Variants in CNTNAP2 observed in about 807,000 individuals in gnomAD.
CNTNAP2 encodes the protein contactin associated protein 2, also known as contactin-associated protein-like 2.
A neutral mutation model predicts 155.2 loss-of-function variants in CNTNAP2; 98 were observed. The observed-to-expected ratio is 0.63, with a 90% CI of 0.54 to 0.75. The LOEUF (loss-of-function observed/expected upper bound fraction) is 0.75. Ranked by LOEUF, CNTNAP2 falls within the 30% of genes least tolerant of loss-of-function variation. CNTNAP2 has a pLI of 0.00. For missense variants in CNTNAP2, 1,727 were observed against 1,688.1 expected (o/e 1.02, Z -0.40); for synonymous variants, 651 against 631.2 (o/e 1.03, Z -0.47).
chr7:148,048,036 G>T (rs1802805196), intron 15 of CNTNAP2, among the ~76,000 whole-genome samples: 1 of 151,690 alleles, frequency 6.6e-6, no homozygotes, highest in Non-Finnish European at 1.5e-5. Flanking sequence ...CCATTCTCCT[G>T]CCTCAGCCTC....
chr7:148,298,226 G>A (rs980769238), intron 21 of CNTNAP2, among the ~76,000 whole-genome samples: 1 of 152,154 alleles, frequency 6.6e-6, no homozygotes, highest in Non-Finnish European at 1.5e-5. Flanking sequence ...GGTGCTAGTG[G>A]ATGGTGGGGA....
chr7:147,921,989 G>C (rs994717276), intron 14 of CNTNAP2, among the ~76,000 whole-genome samples: 18 of 151,778 alleles, frequency 1.2e-4, no homozygotes, highest in African/African-American at 4.4e-4. Flanking sequence ...CCCTGTAACA[G>C]CCCTAGTGAA....
At chr7:148,280,064 T>C (rs1023197872) in intron 21 of CNTNAP2, among the ~76,000 whole-genome samples, 3 of 152,050 alleles carry the variant, frequency 2.0e-5, no homozygotes, top group Admixed American at 2.0e-4. Context: ...ATCTCAGCAC[T>C]TTGGGAGGCT....
intron 1 of CNTNAP2, among the ~76,000 whole-genome samples, chr7:146,690,493 G>A (rs1180034390): frequency 1.3e-5 from 2 of 152,102 alleles, no homozygotes; most frequent in Non-Finnish European, 2.9e-5. Flanking sequence ...TTATTAATAG[G>A]TTTTTGTTTC....
chr7:147,595,763 G>A (rs1018566397), intron 12 of CNTNAP2, among the ~76,000 whole-genome samples: 4 of 152,176 alleles, frequency 2.6e-5, no homozygotes, highest in African/African-American at 9.7e-5. Flanking sequence ...ACCCTCCTCA[G>A]AAATCGTAGT....
At position 148,075,313 on chromosome 7, in the gene CNTNAP2, G is replaced by T. The variant is rs116127384; in HGVS notation, c.2384-42805G>T. ...TTAGCCAAGCCTGGTGGCAGGCACT[G>T]GTAATCCCAGCTCCTCAGATGGCTG... On this transcript the variant is annotated intron_variant, in intron 15 of 23. Coordinates refer to ENST00000361727, the MANE Select transcript of CNTNAP2 (RefSeq NM_014141.6). 9.5e-3 allele frequency among the ~76,000 whole-genome samples: 1,440 copies of T among 152,170 alleles called. 28 individuals are homozygous for T. Among genetic ancestry groups the T allele is most frequent in the African/African-American group, 0.033 (1,360 of 41,532 alleles).
At chr7:148,320,903 T>G (rs539809084) in intron 21 of CNTNAP2, among the ~76,000 whole-genome samples, 1 of 152,368 alleles carries the variant, frequency 6.6e-6, no homozygotes, top group Middle Eastern at 3.4e-3. Context: ...CCTGAAGACT[T>G]AATGATCCAA....
intron 1 of CNTNAP2, among the ~76,000 whole-genome samples, chr7:146,723,002 A>G (rs747622449): frequency 1.3e-5 from 2 of 152,024 alleles, no homozygotes; most frequent in Non-Finnish European, 2.9e-5. Context: ...GTGACATAAC[A>G]AGACTCCATC....
chr7:147,410,299 A>G (rs1797081783), intron 10 of CNTNAP2, among the ~76,000 whole-genome samples: 1 of 152,202 alleles, frequency 6.6e-6, no homozygotes, highest in South Asian at 2.1e-4. Flanking sequence ...CAGAAAACCA[A>G]ATGTCACATG....
chr7:146,345,806 G>T (rs1289270634), intron 1 of CNTNAP2, among the ~76,000 whole-genome samples: 2 of 152,158 alleles, frequency 1.3e-5, no homozygotes, highest in African/African-American at 4.8e-5. Context: ...GGTAAATGAA[G>T]CTATGTCTTA....
rs1056265448 is a variant in CNTNAP2, at chr7:146,903,688, A to C, written c.402+63784A>C. Reference sequence around the variant, plus strand: ...GATCTCACAGACCTAGAGAGGAGAAAGGTGGTCACCAGAGGCCTGCAGAGA... The same window carrying C: ...GATCTCACAGACCTAGAGAGGAGAACGGTGGTCACCAGAGGCCTGCAGAGA... On this transcript the variant is annotated intron_variant, in intron 3 of 23. Coordinates refer to ENST00000361727, the MANE Select transcript of CNTNAP2 (RefSeq NM_014141.6). Among the ~76,000 whole-genome samples the C allele has an allele frequency of 7.9e-5, 12 of 152,308 alleles. No homozygotes were observed. The East Asian group carries it at 9.7e-4, about 12-fold the overall frequency.
chr7:147,454,981 A>G (rs1425266509), intron 10 of CNTNAP2, among the ~76,000 whole-genome samples: 1 of 152,112 alleles, frequency 6.6e-6, no homozygotes, highest in Non-Finnish European at 1.5e-5. Context: ...TTGGTGTGTA[A>G]GAGCTGGCGG....
At chr7:146,981,152 T>C (rs936156041) in intron 3 of CNTNAP2, among the ~76,000 whole-genome samples, 15 of 152,156 alleles carry the variant, frequency 9.9e-5, no homozygotes, top group Non-Finnish European at 1.8e-4. Flanking sequence ...TAGAAATTTG[T>C]GCAACTAAGT....
At chr7:147,788,233 A>G (rs1173374616) in intron 13 of CNTNAP2, among the ~76,000 whole-genome samples, 1 of 152,222 alleles carries the variant, frequency 6.6e-6, no homozygotes, top group Non-Finnish European at 1.5e-5. Context: ...ATTGCTCTCA[A>G]GTTGTCAATT....
chr7:147,856,016 G>A (rs978803505), intron 13 of CNTNAP2, among the ~76,000 whole-genome samples: 1 of 152,104 alleles, frequency 6.6e-6, no homozygotes, highest in Non-Finnish European at 1.5e-5. Context: ...ATAAAGAATT[G>A]GTTTTTCTGC....
chr7:147,669,431 C>T (rs959321120), intron 13 of CNTNAP2, among the ~76,000 whole-genome samples: 1 of 152,144 alleles, frequency 6.6e-6, no homozygotes, highest in African/African-American at 2.4e-5. Context: ...AAATAAGTCC[C>T]AAAGTGGAAT....
intron 1 of CNTNAP2, among the ~76,000 whole-genome samples, chr7:146,702,215 AG>A (rs563669805): frequency 4.6e-5 from 7 of 152,160 alleles, no homozygotes; most frequent in Admixed American, 1.3e-4. Context: ...TGTATAAAAT[AG>A]GTGAACAGAA....
chr7:148,330,634 G>A (rs981779344), intron 21 of CNTNAP2, among the ~76,000 whole-genome samples: 6 of 145,494 alleles, frequency 4.1e-5, no homozygotes, highest in Admixed American at 7.1e-5. Flanking sequence ...GGAGTGGACG[G>A]ACGGAGTGGA....
chr7:148,342,290 T>C (rs1044248818), intron 21 of CNTNAP2, among the ~76,000 whole-genome samples: 1 of 152,224 alleles, frequency 6.6e-6, no homozygotes, highest in East Asian at 1.9e-4. Context: ...TCTGTATTCC[T>C]GAAAACTGGC....
Sources: allele counts gnomAD v4.1 joint callset (sites outside exome capture counted in the v4.1 genomes callset), GRCh38; gene constraint gnomAD v4.1.1; transcripts MANE v1.5; gene names NCBI Gene and HGNC (gene_info 2026-07-23, HGNC 2026-07-21).